CDC34: variants seen among roughly 807,000 people sequenced by gnomAD.
The protein encoded by CDC34 is ubiquitin-conjugating enzyme E2 R1.
CDC34 carries 18 observed loss-of-function variants against 26.8 expected under a neutral mutation model. The observed-to-expected ratio is 0.67, with a 90% CI of 0.47 to 1.00. The LOEUF (loss-of-function observed/expected upper bound fraction) is 1.00. Ranked by LOEUF, CDC34 falls within the 50% of genes least tolerant of loss-of-function variation. The pLI, the probability that CDC34 is intolerant of heterozygous loss-of-function variation, is 0.00. For synonymous variants in CDC34, 178 were observed against 147.5 expected (o/e 1.21, Z -1.50); for missense variants, 280 against 334.5 (o/e 0.84, Z 1.27).
In CDC34 at chr19:541,951, C is replaced by T. The variant is rs938071779; in HGVS notation, c.*399C>T. 2.4e-5 allele frequency: 4 copies of T among 166,068 alleles called. No individual in the cohort carries two copies. Among genetic ancestry groups the T allele is most frequent in the Non-Finnish European group, 2.6e-5 (2 of 76,968 alleles). The allele number at this position is 166,068 out of a possible 1,614,324, so 10.3% of individuals were successfully genotyped here. ...ACCAGCCTGGGAGGCCCAGGTGTAG[C>T]GGTCCGAGGGGCCCGGTCCTGCCTG... On this transcript the variant is annotated 3_prime_UTR_variant, in exon 5 of 5. Coordinates refer to ENST00000215574, the MANE Select transcript of CDC34 (RefSeq NM_004359.2).
chr19:533,252 C>T (rs1420769136), intron 1 of CDC34, among the ~76,000 whole-genome samples: 1 of 152,166 alleles, frequency 6.6e-6, no homozygotes, highest in African/African-American at 2.4e-5. Context: ...TCACTTCCTG[C>T]CAAGAGCCTG....
chr19:536,294 A>G lies in CDC34; in HGVS notation c.316A>G (p.Ser106Gly). The G allele has an allele frequency of 6.2e-7, 1 of 1,612,490 alleles. No individual in the cohort carries two copies. Among genetic ancestry groups the G allele is most frequent in the Non-Finnish European group, 8.5e-7 (1 of 1,179,722 alleles). Residue 106 changes from serine (S) to glycine (G), a missense_variant, in exon 3 of 5, where the codon AGC (serine) becomes GGC (glycine). By Grantham distance (56) the Ser-to-Gly change is moderately conservative. Transcript: ENST00000215574. Reference sequence around the variant, plus strand: ...CCACCCGCCGGTGGACGACCCCCAGAGCGGGGAGCTGCCCTCAGAGAGGTG... The same window carrying G: ...CCACCCGCCGGTGGACGACCCCCAGGGCGGGGAGCTGCCCTCAGAGAGGTG... Reference protein sequence around the residue: ...ILHPPVDDPQSGELPSERWNP... With the variant: ...ILHPPVDDPQGGELPSERWNP...
intron 1 of CDC34, among the ~76,000 whole-genome samples, chr19:534,326 C>T (rs1247550650): frequency 4.6e-5 from 7 of 151,814 alleles, no homozygotes; most frequent in Non-Finnish European, 8.8e-5. Flanking sequence ...CGCGTGCCCT[C>T]CCTGTCCAGG....
chr19:541,523 G>T lies in CDC34; in HGVS notation c.682G>T (p.Glu228Ter), dbSNP rs201715065. 3.9e-5 allele frequency: 63 copies of T among 1,606,078 alleles called. No homozygotes were observed. Among genetic ancestry groups the T allele is most frequent in the Non-Finnish European group, 5.1e-5 (60 of 1,175,412 alleles). Reference protein sequence around the residue: ...EEADSCFGDDEDDSGTEES With the variant: ...EEADSCFGDD ...GGCCGACAGCTGCTTCGGGGACGAT[G>T]AGGATGACTCTGGCACGGAGGAGTC... is the stretch of plus-strand genomic sequence containing the variant. The change falls in exon 5 of 5, where the codon GAG becomes TAG. Residue 228 changes from glutamate (E) to a stop codon, truncating the protein, a stop_gained. Transcript: ENST00000215574. LOFTEE classifies it high-confidence loss of function.
chr19:541,753 A>C lies in CDC34; in HGVS notation c.*201A>C. On this transcript the variant is annotated 3_prime_UTR_variant, in exon 5 of 5. Transcript: ENST00000215574. ...GGGCTGCCCCACCGCCACTCACGTC[A>C]CTCGGGGCTCGGTGGACGGGCCCAG... 3 of 481,334 alleles carry C rather than the reference A, an allele frequency of 6.2e-6. No individual in the cohort carries two copies. Among genetic ancestry groups the C allele is most frequent in the Admixed American group, 4.1e-5 (1 of 24,100 alleles). The allele number at this position is 481,334 out of a possible 1,614,324, so 29.8% of individuals were successfully genotyped here.
In CDC34 at chr19:539,436, C is replaced by T. The variant is rs573473659; in HGVS notation, c.498-1903C>T. 3.9e-5 allele frequency among the ~76,000 whole-genome samples: 6 copies of T among 152,268 alleles called. No homozygotes were observed. In the East Asian group the frequency reaches 5.8e-4, roughly 15 times the overall value. ...CCGTCCCCGGGGCACTGTCAGTCACCCCCCCAGCCCATCGGAGAGCTTGGA... is the reference window on the plus strand; with the variant it reads ...CCGTCCCCGGGGCACTGTCAGTCACTCCCCCAGCCCATCGGAGAGCTTGGA... On this transcript the variant is annotated intron_variant, in intron 4 of 4. Coordinates refer to ENST00000215574, the MANE Select transcript of CDC34 (RefSeq NM_004359.2).
Position 536,253 on chromosome 19 carries a change from T to C in CDC34, c.275T>C (p.Val92Ala). Residue 92 changes from valine to alanine, a missense_variant, in exon 3 of 5, where the codon GTG becomes GCG. By Grantham distance (64) the Val-to-Ala change is moderately conservative. Transcript: ENST00000215574. ...WHPNIYETGD[V>A]CISILHPPVD... is the part of the protein sequence containing the mutation. ...CTTCTTCTTGTGCAGACGGGGGACG[T>C]GTGTATCTCCATCCTCCACCCGCCG... The C allele has an allele frequency of 1.2e-6, 2 of 1,605,804 alleles. No homozygotes were observed. The highest frequency in any genetic ancestry group is 1.7e-6 in the Non-Finnish European group (2 of 1,176,866).
intron 1 of CDC34, among the ~76,000 whole-genome samples, chr19:532,599 G>T (rs1262776120): frequency 6.6e-6 from 1 of 152,234 alleles, no homozygotes; most frequent in Non-Finnish European, 1.5e-5. Flanking sequence ...CTATTGTTGG[G>T]GAGCTGGGCC....
intron 4 of CDC34, 93 bp from the exon 5 acceptor site, chr19:541,246 C>A: frequency 1.4e-6 from 2 of 1,423,502 alleles, no homozygotes; most frequent in Non-Finnish European, 1.8e-6. Flanking sequence ...GAAACCTGAG[C>A]GTTGGGGTGA....
chr19:534,176 G>T (rs1435707052), intron 1 of CDC34, among the ~76,000 whole-genome samples: 1 of 152,160 alleles, frequency 6.6e-6, no homozygotes, highest in Non-Finnish European at 1.5e-5. Flanking sequence ...ACCAGGCTTG[G>T]GGGGCCTGAA....
In CDC34 at chr19:541,656, T is replaced by C. The variant is rs1980024669; in HGVS notation, c.*104T>C. On this transcript the variant is annotated 3_prime_UTR_variant, in exon 5 of 5. Coordinates refer to ENST00000215574, the MANE Select transcript of CDC34 (RefSeq NM_004359.2). ...AGGTTTTGTGCTGGTCCCCGTCTCC[T>C]CTGGTTGTTTCGTTTTGGCTTTTTC... 1 of 1,323,262 alleles carries C rather than the reference T, an allele frequency of 7.6e-7. No individual in the cohort carries two copies. Among genetic ancestry groups the C allele is most frequent in the Non-Finnish European group, 1.0e-6 (1 of 991,802 alleles). 82.0% of individuals were successfully genotyped at this position (1,323,262 alleles called of 1,614,324 possible). A position where few individuals can be genotyped will look rare whatever the true frequency, so the allele number is the denominator to read the frequency against.
intron 1 of CDC34, among the ~76,000 whole-genome samples, chr19:532,972 G>A (rs1327567121): frequency 1.3e-5 from 2 of 152,174 alleles, no homozygotes; most frequent in African/African-American, 2.4e-5. Flanking sequence ...CCCGAGTTCT[G>A]GGCCGTTTCT....
At chr19:537,725 G>T (rs1979827265) in intron 4 of CDC34, among the ~76,000 whole-genome samples, 1 of 142,850 alleles carries the variant, frequency 7.0e-6, no homozygotes, top group East Asian at 2.1e-4. Context: ...GTGCGATCTC[G>T]GCTCACTGCA....
Position 531,959 on chromosome 19 carries a change from C to G in CDC34, c.28C>G (p.Gln10Glu). The G allele has an allele frequency of 6.8e-7, 1 of 1,472,104 alleles. No homozygotes were observed. Among genetic ancestry groups the G allele is most frequent in the Non-Finnish European group, 9.0e-7 (1 of 1,116,228 alleles). 91.2% of individuals were successfully genotyped at this position (1,472,104 alleles called of 1,614,324 possible). A position where few individuals can be genotyped will look rare whatever the true frequency, so the allele number is the denominator to read the frequency against. ...GGCTCGGCCGCTAGTGCCCAGCTCGCAGAAGGCGCTGCTGCTGGAGCTCAA... is the reference window on the plus strand; with the variant it reads ...GGCTCGGCCGCTAGTGCCCAGCTCGGAGAAGGCGCTGCTGCTGGAGCTCAA... Reference protein sequence around the residue: MARPLVPSSQKALLLELKGL... With the variant: MARPLVPSSEKALLLELKGL... Residue 10 changes from glutamine to glutamate, a missense_variant, in exon 1 of 5, where the codon CAG becomes GAG. By Grantham distance (29) the Gln-to-Glu change is conservative (BLOSUM62 2). Coordinates refer to ENST00000215574, the MANE Select transcript of CDC34 (RefSeq NM_004359.2).
At chr19:538,223 A>G (rs1406810268) in intron 4 of CDC34, among the ~76,000 whole-genome samples, 1 of 152,198 alleles carries the variant, frequency 6.6e-6, no homozygotes, top group Non-Finnish European at 1.5e-5. Context: ...GGCCTTACTC[A>G]TGTCTGGAGT....
chr19:536,781 A>G, intron 3 of CDC34: 2 of 580,622 alleles, frequency 3.4e-6, no homozygotes, highest in African/African-American at 1.9e-5. Flanking sequence ...CCCGGGTCTG[A>G]CGGAGGGGTC....
At chr19:535,534 C>T (rs1331406738) in intron 1 of CDC34, among the ~76,000 whole-genome samples, 1 of 152,206 alleles carries the variant, frequency 6.6e-6, no homozygotes, top group African/African-American at 2.4e-5. Context: ...TGGGCTGCCA[C>T]GGGCCTGGAG....
chr19:536,199 G>T, intron 2 of CDC34, 44 bp from the exon 3 acceptor site: 1 of 1,498,956 alleles, frequency 6.7e-7, no homozygotes, highest in Non-Finnish European at 9.2e-7. Flanking sequence ...CTGGGAGCCC[G>T]TGCTGACCTC....
intron 4 of CDC34, among the ~76,000 whole-genome samples, chr19:539,654 C>T (rs546756616): frequency 2.0e-4 from 31 of 152,306 alleles, no homozygotes; most frequent in African/African-American, 7.5e-4. Flanking sequence ...CAGCCAGCCC[C>T]AGAGCCCAGA....
Sources: allele counts gnomAD v4.1 joint callset (sites outside exome capture counted in the v4.1 genomes callset), GRCh38; gene constraint gnomAD v4.1.1; transcripts MANE v1.5; gene names NCBI Gene and HGNC (gene_info 2026-07-23, HGNC 2026-07-21).